SGCZ: variants seen among roughly 807,000 people sequenced by gnomAD.
SGCZ encodes the protein zeta-sarcoglycan.
SGCZ carries 40 observed loss-of-function variants against 41.3 expected under a neutral mutation model. That is an observed-to-expected ratio of 0.97 (90% CI 0.75 to 1.26). SGCZ has a LOEUF of 1.26. Among genes scored for constraint, SGCZ ranks in the 50% most tolerant of loss-of-function variants. The pLI is 0.00. For missense variants in SGCZ, 552 were observed against 369.8 expected, an observed-to-expected ratio of 1.49 and a Z score of -4.04; for synonymous variants, 206 against 137.5, an observed-to-expected ratio of 1.50 and a Z score of -3.49.
At chr8:14,989,180 T>C (rs571408030) in intron 1 of SGCZ, among the ~76,000 whole-genome samples, 1 of 152,210 alleles carries the variant, frequency 6.6e-6, no homozygotes, top group Admixed American at 6.5e-5. Context: ...GAGTGGTAAC[T>C]TGAAAGACAC....
chr8:15,062,515 G>A (rs1427432237), intron 1 of SGCZ, among the ~76,000 whole-genome samples: 1 of 152,106 alleles, frequency 6.6e-6, no homozygotes, highest in African/African-American at 2.4e-5. Context: ...AAATAGTCAA[G>A]TAGTCATTTG....
chr8:14,186,112 TCTA>T (rs1195595971), intron 4 of SGCZ, among the ~76,000 whole-genome samples: 1 of 152,204 alleles, frequency 6.6e-6, no homozygotes, highest in South Asian at 2.1e-4. Context: ...AATTTAGCGC[TCTA>T]CTACTAGAGT....
chr8:15,073,989 G>A (rs762691499), intron 1 of SGCZ, among the ~76,000 whole-genome samples: 2 of 152,162 alleles, frequency 1.3e-5, no homozygotes, highest in Non-Finnish European at 2.9e-5. Flanking sequence ...TTAAAGCAAG[G>A]ATGATAATAG....
intron 2 of SGCZ, among the ~76,000 whole-genome samples, chr8:14,426,368 C>A (rs1799782769): frequency 6.6e-6 from 1 of 152,018 alleles, no homozygotes; most frequent in Non-Finnish European, 1.5e-5. Flanking sequence ...TATTTCCCCT[C>A]CCCCAATTTG....
intron 2 of SGCZ, among the ~76,000 whole-genome samples, chr8:14,501,552 A>G (rs1802155244): frequency 6.6e-6 from 1 of 152,062 alleles, no homozygotes; most frequent in Admixed American, 6.6e-5. Context: ...ATATCGTTGT[A>G]AACTTGACTG....
chr8:14,826,422 C>G (rs7836223), intron 1 of SGCZ, among the ~76,000 whole-genome samples: 56,330 of 151,774 alleles, frequency 0.37, 14,640 homozygotes, highest in African/African-American at 0.71. Flanking sequence ...GTAGCAGCAT[C>G]ATTTATAATC....
chr8:14,550,467 T>C (rs1381652204), intron 2 of SGCZ, among the ~76,000 whole-genome samples: 1 of 151,792 alleles, frequency 6.6e-6, no homozygotes, highest in African/African-American at 2.4e-5. Context: ...ATTGGTAAAG[T>C]TTGCTTTTTC....
rs80343909 is a variant in SGCZ, at chr8:14,734,110, G to C, written c.40-179184C>G. 9.7e-3 allele frequency among the ~76,000 whole-genome samples: 1,473 copies of C among 152,282 alleles called. 30 individuals carry two copies. Among genetic ancestry groups the C allele is most frequent in the African/African-American group, 0.034 (1,403 of 41,566 alleles). Reference sequence around the variant, plus strand: ...CAATCATGGACGCTGTTAAGATCAAGAAGTCAGAGGAGGAACTGCAGGGCT... The same window carrying C: ...CAATCATGGACGCTGTTAAGATCAACAAGTCAGAGGAGGAACTGCAGGGCT... On this transcript the variant is annotated intron_variant, in intron 1 of 7. Transcript: ENST00000382080.
chr8:14,339,310 C>T (rs1802616577), intron 2 of SGCZ, among the ~76,000 whole-genome samples: 1 of 152,136 alleles, frequency 6.6e-6, no homozygotes, highest in Non-Finnish European at 1.5e-5. Context: ...GAAAGAACAC[C>T]TCTTCTCTAT....
chr8:14,643,276 A>G (rs1336115084), intron 1 of SGCZ, among the ~76,000 whole-genome samples: 1 of 151,668 alleles, frequency 6.6e-6, no homozygotes, highest in African/African-American at 2.4e-5. Context: ...ATATGCATAT[A>G]TAATACATGC....
chr8:14,270,442 T>A (rs1460471755), intron 3 of SGCZ, among the ~76,000 whole-genome samples: 1 of 152,202 alleles, frequency 6.6e-6, no homozygotes, highest in Non-Finnish European at 1.5e-5. Context: ...ATATCCCAGT[T>A]ACATTTTAAA....
intron 1 of SGCZ, among the ~76,000 whole-genome samples, chr8:14,796,320 G>T (rs1801127691): frequency 6.6e-6 from 1 of 152,064 alleles, no homozygotes; most frequent in Non-Finnish European, 1.5e-5. Flanking sequence ...CAGAATCTAT[G>T]TTGTCCAGGC....
At chr8:14,487,357 T>A (rs1801703412) in intron 2 of SGCZ, among the ~76,000 whole-genome samples, 1 of 152,224 alleles carries the variant, frequency 6.6e-6, no homozygotes, top group Non-Finnish European at 1.5e-5. Context: ...ATTTGTAAGC[T>A]ATAAGGAATA....
In SGCZ at chr8:14,382,522, C is replaced by A. The variant is rs144870953; in HGVS notation, c.235-58318G>T. ...TTATATATGAGTCAGCAACTCCCTC[C>A]CCTAAAACTCCTAAGGCACATACCA... is the stretch of plus-strand genomic sequence containing the variant. On this transcript the variant is annotated intron_variant, in intron 2 of 7. Coordinates refer to ENST00000382080, the MANE Select transcript of SGCZ (RefSeq NM_139167.4). Among the ~76,000 whole-genome samples the A allele has an allele frequency of 2.6e-3, 393 of 152,214 alleles. 4 individuals are homozygous for A. Among genetic ancestry groups the A allele is most frequent in the African/African-American group, 8.2e-3 (339 of 41,542 alleles).
chr8:14,296,040 C>A (rs2116958199), intron 3 of SGCZ, among the ~76,000 whole-genome samples: 1 of 152,190 alleles, frequency 6.6e-6, no homozygotes, highest in Non-Finnish European at 1.5e-5. Context: ...GGTGGAGAGA[C>A]ACTCCACTGA....
intron 2 of SGCZ, among the ~76,000 whole-genome samples, chr8:14,347,059 T>C (rs935251396): frequency 1.3e-5 from 2 of 152,106 alleles, no homozygotes; most frequent in African/African-American, 4.8e-5. Context: ...TAATCAGCCA[T>C]AGAGAATATT....
rs141075906 is a variant in SGCZ at position 14,867,696 on chromosome 8, G to A, written c.40-312770C>T. Among the ~76,000 whole-genome samples the A allele has an allele frequency of 7.6e-4, 116 of 152,098 alleles. 2 individuals carry two copies. The highest frequency in any genetic ancestry group is 2.5e-3 in the African/African-American group (104 of 41,490). Reference sequence around the variant, plus strand: ...AAAACCAAATACCACATGTTCTCACGTATAAGTGGGAGCTAAGTGATGTGA... The same window carrying A: ...AAAACCAAATACCACATGTTCTCACATATAAGTGGGAGCTAAGTGATGTGA... On this transcript the variant is annotated intron_variant, in intron 1 of 7. Coordinates refer to ENST00000382080, the MANE Select transcript of SGCZ (RefSeq NM_139167.4).
chr8:15,206,743 A>G (rs1313086489), intron 1 of SGCZ, among the ~76,000 whole-genome samples: 1 of 152,012 alleles, frequency 6.6e-6, no homozygotes, highest in African/African-American at 2.4e-5. Flanking sequence ...CACTGCACCC[A>G]GCCGGGCAGA....
chr8:14,300,119 C>T (rs968024012), intron 3 of SGCZ, among the ~76,000 whole-genome samples: 2 of 151,774 alleles, frequency 1.3e-5, no homozygotes, highest in Admixed American at 6.6e-5. Context: ...TAGGAAATAG[C>T]AACATTTTGA....
Sources: allele counts gnomAD v4.1 joint callset (sites outside exome capture counted in the v4.1 genomes callset), GRCh38; gene constraint gnomAD v4.1.1; transcripts MANE v1.5; gene names NCBI Gene and HGNC (gene_info 2026-07-23, HGNC 2026-07-21).